SH3PXD2A: variants seen among roughly 807,000 people sequenced by gnomAD.
The protein encoded by SH3PXD2A is SH3 and PX domains 2A, also known as SH3 and PX domain-containing protein 2A.
Under a neutral mutation model 115.2 loss-of-function variants are expected in SH3PXD2A, and 32 were observed. That is an observed-to-expected ratio of 0.28 (90% CI 0.21 to 0.37). The LOEUF (loss-of-function observed/expected upper bound fraction) is 0.37, where lower values mean the gene tolerates loss of function less well. SH3PXD2A is among the 10% of genes least tolerant of loss of function. The pLI is 1.00. For synonymous variants in SH3PXD2A, 610 were observed against 629.1 expected (o/e 0.97, Z 0.45); for missense variants, 1,328 against 1,498.7 (o/e 0.89, Z 1.88).
intron 6 of SH3PXD2A, among the ~76,000 whole-genome samples, chr10:103,673,762 A>G (rs1311393688): frequency 6.6e-6 from 1 of 152,200 alleles, no homozygotes; most frequent in Non-Finnish European, 1.5e-5. Flanking sequence ...AGAGTGGGCC[A>G]TGAGCCCAGG....
In SH3PXD2A at chr10:103,666,726, C is replaced by T. The variant is rs1464953781; in HGVS notation, c.472+1882G>A. Among the ~76,000 whole-genome samples the T allele has an allele frequency of 2.0e-5, 3 of 152,170 alleles. No individual in the cohort carries two copies. The highest frequency in any genetic ancestry group is 6.5e-5 in the Admixed American group (1 of 15,274). On this transcript the variant is annotated intron_variant, in intron 7 of 14. Transcript: ENST00000369774. This position sits in a 1 kb window ranked among gnomAD's most constrained non-coding sequence, Gnocchi z 4.5. ...TACCTCATGGGAATTGTTCTGAGCA[C>T]GGAATGAAGTGACGGGGCTTCAAGT... is the stretch of plus-strand genomic sequence containing the variant.
intron 1 of SH3PXD2A, among the ~76,000 whole-genome samples, chr10:103,814,011 A>C (rs1364157292): frequency 8.1e-5 from 11 of 135,320 alleles, no homozygotes; most frequent in Non-Finnish European, 9.7e-5. Flanking sequence ...AAAAAAAAAA[A>C]AAAACAACAA....
chr10:103,610,840 C>T (rs1592261375), intron 13 of SH3PXD2A, among the ~76,000 whole-genome samples: 1 of 152,224 alleles, frequency 6.6e-6, no homozygotes, highest in Admixed American at 6.5e-5. Flanking sequence ...GGGCAACTGG[C>T]TTACCTACAG....
rs190701153 is a variant in SH3PXD2A, at chr10:103,756,178, G to T, written c.229+10916C>A. Among the ~76,000 whole-genome samples the T allele has an allele frequency of 2.4e-4, 36 of 152,230 alleles. No homozygotes were observed. Among genetic ancestry groups the T allele is most frequent in the African/African-American group, 8.4e-4 (35 of 41,550 alleles). Reference sequence around the variant, plus strand: ...AGGAGGTATTTTCAGCGCCCAGAACGATGGATCTGCTGGGTGCCAGGCAGC... The same window carrying T: ...AGGAGGTATTTTCAGCGCCCAGAACTATGGATCTGCTGGGTGCCAGGCAGC... On this transcript the variant is annotated intron_variant, in intron 3 of 14. Coordinates refer to ENST00000369774, the MANE Select transcript of SH3PXD2A (RefSeq NM_001394015.1). This position sits in a 1 kb window ranked among gnomAD's most constrained non-coding sequence, Gnocchi z 4.4.
chr10:103,681,774 A>G (rs962285447), intron 6 of SH3PXD2A, among the ~76,000 whole-genome samples: 3 of 152,018 alleles, frequency 2.0e-5, no homozygotes, highest in African/African-American at 7.2e-5. Flanking sequence ...GCGCGCGCGC[A>G]CACACACAAA....
chr10:103,604,709 G>T (rs752462304), intron 14 of SH3PXD2A, among the ~76,000 whole-genome samples: 1 of 152,184 alleles, frequency 6.6e-6, no homozygotes, highest in African/African-American at 2.4e-5. Context: ...CACTAGAAGA[G>T]AAAGATTTTC....
At chr10:103,801,107 T>C (rs1310536513) in intron 2 of SH3PXD2A, among the ~76,000 whole-genome samples, 175 bp downstream of exon 2, 5 of 152,178 alleles carry the variant, frequency 3.3e-5, no homozygotes, top group African/African-American at 9.7e-5. Context: ...GCCTGCAGTA[T>C]GCAAGATTGA....
intron 11 of SH3PXD2A, 53 bp from the exon 12 acceptor site, chr10:103,613,243 C>T: frequency 7.3e-7 from 1 of 1,379,166 alleles, no homozygotes; most frequent in South Asian, 1.4e-5. Context: ...CCTCACAGCC[C>T]ACTCCCAGGC....
At position 103,771,738 on chromosome 10, in the gene SH3PXD2A, AACACACACACACACACACAC is replaced by A. The variant is rs3068820; in HGVS notation, c.154-4589_154-4570del. ...CAACAGAGCGAGACTCCGTCAAAAC[AACACACACACACACACACAC>A]ACACACACACACACACACACACAGA... On this transcript the variant is annotated intron_variant, in intron 2 of 14. Coordinates refer to ENST00000369774, the MANE Select transcript of SH3PXD2A (RefSeq NM_001394015.1). Among the ~76,000 whole-genome samples the A allele has an allele frequency of 3.6e-4, 52 of 143,096 alleles. 1 individual carries two copies. The East Asian group carries it at 0.01, about 29-fold the overall frequency. The allele number at this position is 143,096 out of a possible 152,430, so 93.9% of individuals were successfully genotyped here.
rs1315978128 is a variant in SH3PXD2A, at chr10:103,602,384, G to A, written c.2834C>T (p.Ala945Val). The A allele has an allele frequency of 6.2e-7, 1 of 1,613,926 alleles. No individual in the cohort carries two copies. Among genetic ancestry groups the A allele is most frequent in the East Asian group, 2.2e-5 (1 of 44,886 alleles). ...AGGTTTGGAGGGGATGGGGGGCGTGGCCTTCTTGCTCTGGTTGACGGTGTT... is the reference window on the plus strand; with the variant it reads ...AGGTTTGGAGGGGATGGGGGGCGTGACCTTCTTGCTCTGGTTGACGGTGTT... ...ALNTVNQSKK[A>V]TPPIPSKPPG... The change falls in exon 15 of 15, where the codon GCC becomes GTC. Residue 945 changes from alanine to valine, a missense_variant. This residue lies in a region of SH3PXD2A where 574 missense variants were observed against 565.7 expected (regional missense o/e 1.01). Transcript: ENST00000369774.
intron 1 of SH3PXD2A, among the ~76,000 whole-genome samples, chr10:103,825,752 T>A (rs2039423572): frequency 6.9e-6 from 1 of 144,420 alleles, no homozygotes; most frequent in Admixed American, 7.3e-5. Flanking sequence ...AAACACAGCA[T>A]CCGTAACAAA....
chr10:103,638,555 C>G (rs914646481), intron 8 of SH3PXD2A, among the ~76,000 whole-genome samples: 2 of 152,246 alleles, frequency 1.3e-5, no homozygotes, highest in African/African-American at 4.8e-5. Context: ...AGCGAGGGCG[C>G]CAGAGCCAGG....
In SH3PXD2A at chr10:103,608,175, A is replaced by T. The variant is rs867484698; in HGVS notation, c.1309-2258T>A. Among the ~76,000 whole-genome samples the T allele has an allele frequency of 8.7e-4, 125 of 143,234 alleles. 1 individual carries two copies. The highest frequency in any genetic ancestry group is 2.8e-3 in the African/African-American group (108 of 39,184). 94.0% of individuals were successfully genotyped at this position (143,234 alleles called of 152,430 possible). On this transcript the variant is annotated intron_variant, in intron 13 of 14. Coordinates refer to ENST00000369774, the MANE Select transcript of SH3PXD2A (RefSeq NM_001394015.1). ...TAAAAAAAAAAAAAAAAAAAAGAACACAGGACAGAGGCAGACCCACCAGCA... is the reference window on the plus strand; with the variant it reads ...TAAAAAAAAAAAAAAAAAAAAGAACTCAGGACAGAGGCAGACCCACCAGCA...
intron 5 of SH3PXD2A, among the ~76,000 whole-genome samples, chr10:103,704,012 G>A (rs990182681): frequency 6.6e-6 from 1 of 152,178 alleles, no homozygotes; most frequent in Non-Finnish European, 1.5e-5. Flanking sequence ...GGATAAACAA[G>A]TTAATACACA....
chr10:103,670,412 T>C (rs2134081840), intron 6 of SH3PXD2A, among the ~76,000 whole-genome samples: 1 of 152,330 alleles, frequency 6.6e-6, no homozygotes, highest in East Asian at 1.9e-4. Flanking sequence ...CAGTGCCTAC[T>C]ACATAGTCAG....
chr10:103,771,925 C>T, intron 2 of SH3PXD2A, among the ~76,000 whole-genome samples: 1 of 152,154 alleles, frequency 6.6e-6, no homozygotes, highest in East Asian at 1.9e-4. Flanking sequence ...GTCACCTAAT[C>T]CCACCACCAG....
chr10:103,722,498 C>T (rs569470277), intron 5 of SH3PXD2A, among the ~76,000 whole-genome samples: 109 of 151,954 alleles, frequency 7.2e-4, no homozygotes, highest in African/African-American at 2.6e-3. Context: ...GACAAGGTCT[C>T]ACTGTGTTGC....
At chr10:103,699,999 C>T (rs1313957753) in intron 5 of SH3PXD2A, among the ~76,000 whole-genome samples, 3 of 152,056 alleles carry the variant, frequency 2.0e-5, no homozygotes, top group Non-Finnish European at 4.4e-5. Flanking sequence ...CAGAACCCCG[C>T]CCCCCAGGCA....
chr10:103,797,446 G>A (rs1243386863), intron 2 of SH3PXD2A, among the ~76,000 whole-genome samples: 11 of 151,934 alleles, frequency 7.2e-5, no homozygotes, highest in Admixed American at 5.9e-4. Flanking sequence ...CCCCATTTCC[G>A]GTGAACAGCT....
Sources: allele counts gnomAD v4.1 joint callset (sites outside exome capture counted in the v4.1 genomes callset), GRCh38; gene constraint gnomAD v4.1.1; regional missense constraint gnomAD v4.1.1; non-coding constraint Gnocchi (gnomAD v3.1); transcripts MANE v1.5; gene names NCBI Gene and HGNC (gene_info 2026-07-23, HGNC 2026-07-21).